Variants in IGSF6 observed in about 807,000 individuals in gnomAD.
IGSF6 encodes the protein immunoglobulin superfamily member 6.
In IGSF6, 23 loss-of-function variants were observed where a neutral mutation model predicts 24.7. That is an observed-to-expected ratio of 0.93 (90% CI 0.67 to 1.32). The LOEUF is 1.32. Among genes scored for constraint, IGSF6 ranks in the 40% most tolerant of loss-of-function variants. The pLI, the probability that IGSF6 is intolerant of heterozygous loss-of-function variation, is 0.00. For missense variants in IGSF6, 295 were observed against 293.6 expected, an observed-to-expected ratio of 1.00 and a Z score of -0.04; for synonymous variants, 110 against 113.7, an observed-to-expected ratio of 0.97 and a Z score of 0.21.
chr16:21,647,126 G>T lies in IGSF6; in HGVS notation c.427+7C>A. On this transcript the variant is annotated splice_region_variant and intron_variant, in intron 2 of 5. Transcript: ENST00000268389. ...TGATGCACTGAAATAAAGCCTCGCT[G>T]ACTGACCTCTTACCACCAGTGTGGT... The T allele has an allele frequency of 6.2e-7, 1 of 1,614,120 alleles. No homozygotes were observed. Among genetic ancestry groups the T allele is most frequent in the South Asian group, 1.1e-5 (1 of 91,044 alleles).
intron 3 of IGSF6, 146 bp from the exon 4 acceptor site, chr16:21,643,744 C>G (rs1966341076): frequency 1.7e-6 from 1 of 594,270 alleles, no homozygotes; most frequent in Non-Finnish European, 2.9e-6. Context: ...TTTTGAGATG[C>G]TTTTACTCCA....
chr16:21,643,988 CACACCTCACCCCT>C (rs1966351518), intron 3 of IGSF6, among the ~76,000 whole-genome samples: 1 of 152,088 alleles, frequency 6.6e-6, no homozygotes, highest in South Asian at 2.1e-4. Context: ...TCCACCTGCC[CACACCTCACCCCT>C]ACAGCAGAAA....
chr16:21,649,233 C>T (rs1966507029), intron 1 of IGSF6, among the ~76,000 whole-genome samples: 1 of 152,138 alleles, frequency 6.6e-6, no homozygotes, highest in African/African-American at 2.4e-5. Flanking sequence ...ACTCAAGCGA[C>T]CCGCTTGCCT....
At chr16:21,642,885 A>G (rs902253495) in intron 5 of IGSF6, among the ~76,000 whole-genome samples, 189 bp downstream of exon 5, 1 of 152,182 alleles carries the variant, frequency 6.6e-6, no homozygotes, top group Non-Finnish European at 1.5e-5. Flanking sequence ...GGGCTATTTA[A>G]TATTGTATCA....
At chr16:21,642,487 T>G (rs1966297878) in intron 5 of IGSF6, 1 of 152,230 alleles carries the variant, frequency 6.6e-6, no homozygotes, top group Non-Finnish European at 1.5e-5. Flanking sequence ...GGAAACAAAG[T>G]ATCTGTTCTA....
In IGSF6 at chr16:21,641,511, C is replaced by A; in HGVS notation, c.*23G>T. 6.7e-7 allele frequency: 1 copy of A among 1,481,598 alleles called. No individual in the cohort carries two copies. The highest frequency in any genetic ancestry group is 9.4e-7 in the Non-Finnish European group (1 of 1,068,058). The allele number at this position is 1,481,598 out of a possible 1,614,324, so 91.8% of individuals were successfully genotyped here. A position where few individuals can be genotyped will look rare whatever the true frequency, so the allele number is the denominator to read the frequency against. ...GCTCCTGGAGTTGGATTTTCAGTGACTTCATTGAAAATTAAAACGTTTCTA... is the reference window on the plus strand; with the variant it reads ...GCTCCTGGAGTTGGATTTTCAGTGAATTCATTGAAAATTAAAACGTTTCTA... On this transcript the variant is annotated 3_prime_UTR_variant, in exon 6 of 6. Transcript: ENST00000268389.
At chr16:21,645,255 C>A (rs768900190) in intron 2 of IGSF6, among the ~76,000 whole-genome samples, 1 of 152,142 alleles carries the variant, frequency 6.6e-6, no homozygotes, top group Admixed American at 6.5e-5. Context: ...GAGTTTGACA[C>A]CAGCCTGGCC....
At position 21,649,319 on chromosome 16, in the gene IGSF6, A is replaced by C. The variant is rs183386926; in HGVS notation, c.68-1827T>G. On this transcript the variant is annotated intron_variant, in intron 1 of 5. Coordinates refer to ENST00000268389, the MANE Select transcript of IGSF6 (RefSeq NM_005849.4). ...TCTTCTCATCATGTTATATTTTAGTATTTGTGCAACATGAGATGAGCTGGG... is the reference window on the plus strand; with the variant it reads ...TCTTCTCATCATGTTATATTTTAGTCTTTGTGCAACATGAGATGAGCTGGG... Among the ~76,000 whole-genome samples the C allele has an allele frequency of 1.4e-4, 21 of 152,184 alleles. No individual in the cohort carries two copies. In the East Asian group the frequency reaches 1.9e-3, roughly 14 times the overall value.
In IGSF6 at chr16:21,647,131, A is replaced by T; in HGVS notation, c.427+2T>A. On this transcript the variant is annotated splice_donor_variant, in intron 2 of 5. Transcript: ENST00000268389. LOFTEE classifies it high-confidence loss of function. The stretch of plus-strand genomic sequence containing the variant: ...CACTGAAATAAAGCCTCGCTGACTG[A>T]CCTCTTACCACCAGTGTGGTCCCTC... 6.2e-7 allele frequency: 1 copy of T among 1,614,034 alleles called. No individual in the cohort carries two copies. Among genetic ancestry groups the T allele is most frequent in the Non-Finnish European group, 8.5e-7 (1 of 1,179,994 alleles).
intron 1 of IGSF6, among the ~76,000 whole-genome samples, chr16:21,650,974 A>G (rs1228031820): frequency 6.6e-6 from 1 of 152,250 alleles, no homozygotes; most frequent in East Asian, 1.9e-4. Flanking sequence ...CTGTAATCCC[A>G]GCATTATGGG....
chr16:21,643,622 T>A, intron 3 of IGSF6, 24 bp from the exon 4 acceptor site: 1 of 1,547,582 alleles, frequency 6.5e-7, no homozygotes. Context: ...AAGGAAAGTC[T>A]ATGAAACATT....
In IGSF6 at chr16:21,643,616, A is replaced by G; in HGVS notation, c.535-18T>C. Reference sequence around the variant, plus strand: ...GATTTTGACTGCCAAGAAGAGAAGGAAAGTCTATGAAACATTTTATGTACT... The same window carrying G: ...GATTTTGACTGCCAAGAAGAGAAGGGAAGTCTATGAAACATTTTATGTACT... On this transcript the variant is annotated intron_variant, in intron 3 of 5. Coordinates refer to ENST00000268389, the MANE Select transcript of IGSF6 (RefSeq NM_005849.4). The G allele has an allele frequency of 6.4e-7, 1 of 1,566,006 alleles. No individual in the cohort carries two copies. The highest frequency in any genetic ancestry group is 1.1e-5 in the South Asian group (1 of 88,210).
intron 1 of IGSF6, among the ~76,000 whole-genome samples, chr16:21,648,179 C>T (rs1210476737): frequency 6.6e-6 from 1 of 152,140 alleles, no homozygotes; most frequent in Admixed American, 6.5e-5. Flanking sequence ...TTTGGTTTCT[C>T]CCTGGCGTGT....
intron 5 of IGSF6, among the ~76,000 whole-genome samples, chr16:21,642,596 GTT>G (rs1360978867): frequency 6.6e-6 from 1 of 152,096 alleles, no homozygotes; most frequent in East Asian, 1.9e-4. Context: ...ATTCTTTTCA[GTT>G]CAACTCCAGA....
At chr16:21,644,536 C>T (rs1966371831) in intron 2 of IGSF6, 140 bp from the exon 3 acceptor site, 1 of 607,180 alleles carries the variant, frequency 1.6e-6, no homozygotes, top group Non-Finnish European at 2.9e-6. Context: ...AAAACTAGAC[C>T]TCAAAAGGTA....
At chr16:21,642,264 CTT>C (rs1040158292) in intron 5 of IGSF6, 4 of 152,048 alleles carry the variant, frequency 2.6e-5, no homozygotes, top group Admixed American at 2.0e-4. Flanking sequence ...AGGAAAATAT[CTT>C]TACTAGTTTA....
intron 1 of IGSF6, among the ~76,000 whole-genome samples, chr16:21,647,778 G>A (rs1414197921): frequency 5.9e-5 from 9 of 152,082 alleles, no homozygotes; most frequent in East Asian, 1.9e-4. Flanking sequence ...AGGTGGCACC[G>A]TATTGGACTC....
At chr16:21,652,340 T>C (rs1022880758) in intron 1 of IGSF6, 192 bp downstream of exon 1, 1 of 486,116 alleles carries the variant, frequency 2.1e-6, no homozygotes, top group African/African-American at 2.0e-5. Context: ...TCAAGGTTAA[T>C]ATGAAACTTT....
In IGSF6 at chr16:21,651,467, A is replaced by T. The variant is rs534233036; in HGVS notation, c.67+1065T>A. ...AGTGCAGGTGCCATCACGCCCAGCT[A>T]TTTTTTTTTCTTGTGTAGAAATGGG... On this transcript the variant is annotated intron_variant, in intron 1 of 5. Transcript: ENST00000268389. Among the ~76,000 whole-genome samples, 5 of 150,038 alleles carry T rather than the reference A, an allele frequency of 3.3e-5. No homozygotes were observed. The East Asian group carries it at 9.8e-4, about 30-fold the overall frequency.
Sources: gnomAD v4.1 joint callset for allele counts (sites outside exome capture counted in the v4.1 genomes callset) on GRCh38, gnomAD v4.1.1 for gene constraint, MANE v1.5 for transcripts, NCBI Gene and HGNC (gene_info 2026-07-23, HGNC 2026-07-21) for gene names.